Variants in POU2F1 observed in about 807,000 individuals in gnomAD.
POU2F1 encodes the protein POU class 2 homeobox 1.
In POU2F1, 16 loss-of-function variants were observed where a neutral mutation model predicts 84.9. The observed-to-expected ratio is 0.19, with a 90% CI of 0.13 to 0.29. The LOEUF is 0.29. Ranked by LOEUF, POU2F1 falls within the 10% of genes least tolerant of loss-of-function variation. The pLI is 1.00. For missense variants in POU2F1, 738 were observed against 942.6 expected (o/e 0.78, Z 2.84); for synonymous variants, 368 against 368.3 (o/e 1.00, Z 0.01).
At chr1:167,356,387 C>T (rs1166418364) in intron 2 of POU2F1, among the ~76,000 whole-genome samples, 1 of 151,980 alleles carries the variant, frequency 6.6e-6, no homozygotes, top group Non-Finnish European at 1.5e-5. Context: ...TTCCTTAGAA[C>T]ATTCTGTACA....
chr1:167,318,191 T>C (rs964053307), intron 1 of POU2F1, among the ~76,000 whole-genome samples: 1 of 152,222 alleles, frequency 6.6e-6, no homozygotes, highest in Non-Finnish European at 1.5e-5. Flanking sequence ...CAAATTTTGA[T>C]CTTATTAAGA....
At chr1:167,375,022 G>A (rs147272880) in intron 6 of POU2F1, among the ~76,000 whole-genome samples, 4,817 of 150,654 alleles carry the variant, frequency 0.032, 128 homozygotes, top group African/African-American at 0.077. Context: ...AGCCGAGATC[G>A]CGCCACTAAA....
At chr1:167,334,360 C>T (rs1253013563) in intron 2 of POU2F1, among the ~76,000 whole-genome samples, 1 of 151,880 alleles carries the variant, frequency 6.6e-6, no homozygotes, top group Non-Finnish European at 1.5e-5. Flanking sequence ...CAGGGTTTCA[C>T]CATGTTGGCC....
rs1408899974 is a variant in POU2F1 at position 167,422,310 on chromosome 1, G to A, written c.*6500G>A. ...TGGAGCCAAGAGGTGAGTGATTGAT[G>A]TATCTTAAATCTAGGAAAGTTAAAG... On this transcript the variant is annotated 3_prime_UTR_variant, in exon 16 of 16. Transcript: ENST00000367866. 1.4e-5 allele frequency: 2 copies of A among 139,150 alleles called. No homozygotes were observed. Among genetic ancestry groups the A allele is most frequent in the Non-Finnish European group, 2.9e-5 (2 of 67,850 alleles). The allele number at this position is 139,150 out of a possible 1,614,324, so 8.6% of individuals were successfully genotyped here. A position where few individuals can be genotyped will look rare whatever the true frequency, so the allele number is the denominator to read the frequency against.
chr1:167,246,500 T>C lies in POU2F1; in HGVS notation c.61+25542T>C, dbSNP rs184078175. On this transcript the variant is annotated intron_variant, in intron 1 of 15. Transcript: ENST00000367866. ...CTTAAAAAATATTGAATGAAATTATTATTATAAAATTTTTTAGTGAACTTA... is the reference window on the plus strand; with the variant it reads ...CTTAAAAAATATTGAATGAAATTATCATTATAAAATTTTTTAGTGAACTTA... Among the ~76,000 whole-genome samples the C allele has an allele frequency of 8.5e-5, 13 of 152,350 alleles. No individual in the cohort carries two copies. The East Asian group carries it at 2.5e-3, about 29-fold the overall frequency.
At chr1:167,287,331 A>G (rs544853064) in intron 1 of POU2F1, among the ~76,000 whole-genome samples, 3 of 152,350 alleles carry the variant, frequency 2.0e-5, no homozygotes, top group South Asian at 2.1e-4. Context: ...AAGTGCCTCA[A>G]CTGGAGCAGA....
chr1:167,298,662 T>C (rs1376055154), intron 1 of POU2F1, among the ~76,000 whole-genome samples: 2 of 152,292 alleles, frequency 1.3e-5, no homozygotes, highest in South Asian at 4.1e-4. Context: ...TAAGAGTCCA[T>C]TTTTTGGGAG....
intron 1 of POU2F1, among the ~76,000 whole-genome samples, chr1:167,275,112 T>C (rs1371709327): frequency 2.1e-5 from 3 of 146,340 alleles, no homozygotes; most frequent in African/African-American, 5.1e-5. Flanking sequence ...ACCTTTGAGC[T>C]CCCAGGCTCA....
chr1:167,280,838 A>G (rs1026150739), intron 1 of POU2F1, among the ~76,000 whole-genome samples: 2 of 152,220 alleles, frequency 1.3e-5, no homozygotes, highest in Admixed American at 6.5e-5. Context: ...TCCTCATGCC[A>G]AAGGCGTTTA....
chr1:167,384,285 A>G (rs1647792732), intron 8 of POU2F1, among the ~76,000 whole-genome samples: 1 of 152,120 alleles, frequency 6.6e-6, no homozygotes, highest in Admixed American at 6.6e-5. Flanking sequence ...TTAAAAATCC[A>G]TTGTTACCCT....
chr1:167,402,755 A>G (rs1436518165), intron 13 of POU2F1, among the ~76,000 whole-genome samples: 1 of 152,212 alleles, frequency 6.6e-6, no homozygotes, highest in Non-Finnish European at 1.5e-5. Context: ...GAGCACTTCC[A>G]CTTAATAAGC....
At chr1:167,328,882 C>G (rs750427404) in intron 1 of POU2F1, among the ~76,000 whole-genome samples, 1 of 152,114 alleles carries the variant, frequency 6.6e-6, no homozygotes, top group Non-Finnish European at 1.5e-5. Flanking sequence ...GCTGTGCTAA[C>G]GAGGAGAGAT....
At chr1:167,247,115 G>A (rs976356597) in intron 1 of POU2F1, among the ~76,000 whole-genome samples, 6 of 150,970 alleles carry the variant, frequency 4.0e-5, no homozygotes, top group East Asian at 3.9e-4. Context: ...TCACTCTGTC[G>A]CCCAGGATGA....
chr1:167,228,045 A>C (rs1259806060), intron 1 of POU2F1, among the ~76,000 whole-genome samples: 1 of 152,170 alleles, frequency 6.6e-6, no homozygotes, highest in East Asian at 1.9e-4. Flanking sequence ...CTCCTGCCCC[A>C]TTGCTGTCAG....
At chr1:167,232,121 T>C (rs1481387882) in intron 1 of POU2F1, among the ~76,000 whole-genome samples, 1 of 152,212 alleles carries the variant, frequency 6.6e-6, no homozygotes, top group African/African-American at 2.4e-5. Flanking sequence ...CCTGTGACTA[T>C]GAGCTGTTTG....
At chr1:167,282,564 T>A (rs1653231808) in intron 1 of POU2F1, among the ~76,000 whole-genome samples, 1 of 152,210 alleles carries the variant, frequency 6.6e-6, no homozygotes, top group South Asian at 2.1e-4. Context: ...GTGGTCCTTG[T>A]CTATCTTTCC....
chr1:167,223,988 G>A, intron 1 of POU2F1, among the ~76,000 whole-genome samples: 1 of 152,100 alleles, frequency 6.6e-6, no homozygotes, highest in Admixed American at 6.5e-5. Flanking sequence ...TTTATTTCGG[G>A]TCAATTTCCT....
At chr1:167,257,223 CTT>C (rs1472210284) in intron 1 of POU2F1, among the ~76,000 whole-genome samples, 1 of 152,168 alleles carries the variant, frequency 6.6e-6, no homozygotes, top group East Asian at 1.9e-4. Context: ...ATTGGCACTA[CTT>C]TTTCTTTGAT....
chr1:167,402,933 C>G lies in POU2F1; in HGVS notation c.1555+1377C>G, dbSNP rs181122572. Among the ~76,000 whole-genome samples, 29 of 152,302 alleles carry G rather than the reference C, an allele frequency of 1.9e-4. No individual in the cohort carries two copies. In the Middle Eastern group the frequency reaches 0.01, roughly 54 times the overall value. On this transcript the variant is annotated intron_variant, in intron 13 of 15. Coordinates refer to ENST00000367866, the MANE Select transcript of POU2F1 (RefSeq NM_002697.4). Reference sequence around the variant, plus strand: ...TAGGTCTAAAAATACCTGTCTCTTACAGAAATTTTGTTAATAGTTTACACA... The same window carrying G: ...TAGGTCTAAAAATACCTGTCTCTTAGAGAAATTTTGTTAATAGTTTACACA...
Sources: allele counts gnomAD v4.1 joint callset (sites outside exome capture counted in the v4.1 genomes callset), GRCh38; gene constraint gnomAD v4.1.1; transcripts MANE v1.5; gene names NCBI Gene and HGNC (gene_info 2026-07-23, HGNC 2026-07-21).